Variants in MLPH observed in about 807,000 individuals in gnomAD.
The protein encoded by MLPH is exophilin-3.
In MLPH, 51 loss-of-function variants were observed where a neutral mutation model predicts 72.1. That is an observed-to-expected ratio of 0.71 (90% CI 0.56 to 0.89). The LOEUF is 0.89. MLPH is among the 40% of genes least tolerant of loss of function. The probability of loss-of-function intolerance (pLI) is 0.00; values close to 1 mark genes in which losing one functional copy is unlikely to be tolerated. For synonymous variants in MLPH, 301 were observed against 310.1 expected, an observed-to-expected ratio of 0.97 and a Z score of 0.31; for missense variants, 743 against 759.9, an observed-to-expected ratio of 0.98 and a Z score of 0.26.
chr2:237,535,087 A>T (rs1167148890), intron 9 of MLPH, among the ~76,000 whole-genome samples: 2 of 152,124 alleles, frequency 1.3e-5, no homozygotes, highest in Non-Finnish European at 2.9e-5. Context: ...TGGGTAACTT[A>T]TAATGAGCAG....
At chr2:237,538,950 C>T (rs563802618) in intron 9 of MLPH, among the ~76,000 whole-genome samples, 45 of 152,328 alleles carry the variant, frequency 3.0e-4, no homozygotes, top group African/African-American at 9.1e-4. Context: ...CCGGGGCTGC[C>T]GTGTGGCTGT....
At position 237,510,927 on chromosome 2, in the gene MLPH, G is replaced by T. The variant is rs976140190; in HGVS notation, c.333-62G>T. 1 of 1,526,954 alleles carries T rather than the reference G, an allele frequency of 6.5e-7. No homozygotes were observed. 94.6% of individuals were successfully genotyped at this position (1,526,954 alleles called of 1,614,324 possible). A position where few individuals can be genotyped will look rare whatever the true frequency, so the allele number is the denominator to read the frequency against. ...TGTGTGTGTGTGTGTGTGTGTGTGA[G>T]ATTTATGCAGGCCTGTGTACAGCAC... On this transcript the variant is annotated intron_variant, in intron 3 of 15. Transcript: ENST00000264605. The surrounding 1 kb of genome is among the most constrained non-coding windows in gnomAD (Gnocchi z 4.4).
At chr2:237,516,935 GGATGGATAGGTGGATA>G (rs1002207717) in intron 4 of MLPH, among the ~76,000 whole-genome samples, 32 of 146,882 alleles carry the variant, frequency 2.2e-4, no homozygotes, top group African/African-American at 8.3e-4. Flanking sequence ...ATGGATGGAT[GGATGGATAGGTGGATA>G]GGTGGATAGA....
chr2:237,552,261 T>G, intron 14 of MLPH, 76 bp from the exon 15 acceptor site: 1 of 1,213,440 alleles, frequency 8.2e-7, no homozygotes, highest in South Asian at 1.3e-5. Context: ...TTTAAATTTC[T>G]GAGGAGGCCA....
At chr2:237,552,156 T>C (rs73999118) in intron 14 of MLPH, 181 bp from the exon 15 acceptor site, 14,068 of 577,070 alleles carry the variant, frequency 0.024, 1,595 homozygotes, top group African/African-American at 0.24. Context: ...TTGGCAAAAC[T>C]GTTGATTTGC....
At chr2:237,496,345 G>A (rs894135888) in intron 2 of MLPH, among the ~76,000 whole-genome samples, 9 of 152,290 alleles carry the variant, frequency 5.9e-5, no homozygotes, top group Non-Finnish European at 8.8e-5. Flanking sequence ...TGAGTGGTCC[G>A]CCCTGCTCCA....
chr2:237,520,473 T>G (rs1183313477), intron 6 of MLPH, among the ~76,000 whole-genome samples: 1 of 152,166 alleles, frequency 6.6e-6, no homozygotes, highest in Non-Finnish European at 1.5e-5. Flanking sequence ...AGGACAGTCC[T>G]GTGATGCTGG....
At chr2:237,487,052 C>G (rs2079329476), upstream of MLPH, 1 of 152,260 alleles carries the variant, frequency 6.6e-6, no homozygotes, top group African/African-American at 2.4e-5. Context: ...TCCCCGCCGC[C>G]GTCTTTCTCC....
Position 237,542,550 on chromosome 2 carries a change from C to G in MLPH, c.1447-17C>G. ...AGCGTCTGTCTGACGGGCCTTCTGT[C>G]TGCTGTCCTCTCGCAGGTTTCAGAC... On this transcript the variant is annotated splice_polypyrimidine_tract_variant and intron_variant, in intron 11 of 15. Transcript: ENST00000264605. 2.5e-6 allele frequency: 4 copies of G among 1,580,256 alleles called. No homozygotes were observed. The highest frequency in any genetic ancestry group is 3.4e-6 in the Non-Finnish European group (4 of 1,161,850).
chr2:237,534,738 T>A, intron 9 of MLPH, 91 bp downstream of exon 9: 3 of 1,077,378 alleles, frequency 2.8e-6, no homozygotes, highest in Non-Finnish European at 4.3e-6. Context: ...GGGAGAAGAG[T>A]TTCTTGAGAT....
Position 237,517,741 on chromosome 2 carries a change from ATGGATGGATGG to A in MLPH, c.446-797_446-787del, listed in dbSNP as rs1559351743. Among the ~76,000 whole-genome samples the A allele has an allele frequency of 1.9e-3, 219 of 112,798 alleles. 1 individual carries two copies. The highest frequency in any genetic ancestry group is 6.5e-3 in the African/African-American group (199 of 30,606). The allele number at this position is 112,798 out of a possible 152,430, so 74.0% of individuals were successfully genotyped here. Reference sequence around the variant, plus strand: ...GATAAGTAAGTGGGTGGATGGATGGATGGATGGATGGATGGATGGATGGATAAGTAAATGGA... The same window carrying A: ...GATAAGTAAGTGGGTGGATGGATGGAATGGATGGATGGATAAGTAAATGGA... On this transcript the variant is annotated intron_variant, in intron 4 of 15. Transcript: ENST00000264605.
At chr2:237,529,325 G>A (rs529596009) in intron 8 of MLPH, among the ~76,000 whole-genome samples, 4 of 152,306 alleles carry the variant, frequency 2.6e-5, no homozygotes, top group Admixed American at 6.5e-5. Flanking sequence ...TTACAGGTGT[G>A]AGCCTCCATG....
intron 8 of MLPH, among the ~76,000 whole-genome samples, chr2:237,528,432 C>A (rs1354053714): frequency 2.0e-5 from 3 of 151,488 alleles, no homozygotes; most frequent in South Asian, 2.1e-4. Flanking sequence ...CTCACTGCAA[C>A]CTCCACCTCC....
chr2:237,514,595 A>G (rs2079974700), intron 4 of MLPH, among the ~76,000 whole-genome samples: 2 of 152,158 alleles, frequency 1.3e-5, no homozygotes, highest in Non-Finnish European at 2.9e-5. Context: ...AAGGTCAGAG[A>G]GAAACTTTGC....
intron 2 of MLPH, among the ~76,000 whole-genome samples, chr2:237,506,803 G>A (rs922486209): frequency 6.6e-6 from 1 of 152,136 alleles, no homozygotes; most frequent in Non-Finnish European, 1.5e-5. Flanking sequence ...TTGGGCATAA[G>A]ACAATATGAG....
intron 8 of MLPH, among the ~76,000 whole-genome samples, chr2:237,533,726 C>A (rs576160508): frequency 6.6e-6 from 1 of 152,252 alleles, no homozygotes; most frequent in Non-Finnish European, 1.5e-5. Context: ...TCTGCAGATG[C>A]TCAACGGGAC....
chr2:237,539,150 G>C lies in MLPH; in HGVS notation c.1105-1198G>C, dbSNP rs571777818. Among the ~76,000 whole-genome samples the C allele has an allele frequency of 4.6e-5, 7 of 152,286 alleles. No individual in the cohort carries two copies. In the South Asian group the frequency reaches 8.3e-4, roughly 18 times the overall value. On this transcript the variant is annotated intron_variant, in intron 9 of 15. Transcript: ENST00000264605. Reference sequence around the variant, plus strand: ...GCTCTGCCTTTTACTATGGGGGGGCGGGGAGGCTTGAGCAGAAGACAGCTG... The same window carrying C: ...GCTCTGCCTTTTACTATGGGGGGGCCGGGAGGCTTGAGCAGAAGACAGCTG...
At position 237,516,841 on chromosome 2, in the gene MLPH, A is replaced by G. The variant is rs576695866; in HGVS notation, c.446-1698A>G. Among the ~76,000 whole-genome samples, 19 of 148,218 alleles carry G rather than the reference A, an allele frequency of 1.3e-4. No homozygotes were observed. In the East Asian group the frequency reaches 3.9e-3, roughly 30 times the overall value. ...GATGGATGGATGGTAGGATGGATGG[A>G]TGGATGGATGGATGATAGGATGGAT... On this transcript the variant is annotated intron_variant, in intron 4 of 15. Transcript: ENST00000264605.
At chr2:237,491,919 C>T (rs540545297) in intron 1 of MLPH, among the ~76,000 whole-genome samples, 4 of 152,330 alleles carry the variant, frequency 2.6e-5, no homozygotes, top group East Asian at 3.9e-4. Context: ...CTCTGTGACT[C>T]GCCGCCCACT....
Sources: allele counts gnomAD v4.1 joint callset (sites outside exome capture counted in the v4.1 genomes callset), GRCh38; gene constraint gnomAD v4.1.1; non-coding constraint Gnocchi (gnomAD v3.1); transcripts MANE v1.5; gene names NCBI Gene and HGNC (gene_info 2026-07-23, HGNC 2026-07-21).